FXR1: variants seen among roughly 807,000 people sequenced by gnomAD.
FXR1 encodes RNA-binding protein FXR1.
A neutral mutation model predicts 84.0 loss-of-function variants in FXR1; 15 were observed. The ratio of observed to expected loss-of-function variants is 0.18; its 90% confidence interval spans 0.12 to 0.27. FXR1 has a LOEUF of 0.27. Among genes scored for constraint, FXR1 ranks in the 10% least tolerant of loss-of-function variants. The pLI, the probability that FXR1 is intolerant of heterozygous loss-of-function variation, is 1.00. For synonymous variants in FXR1, 245 were observed against 250.7 expected (o/e 0.98, Z 0.21); for missense variants, 480 against 774.4 (o/e 0.62, Z 4.51).
intron 9 of FXR1, among the ~76,000 whole-genome samples, chr3:180,956,515 G>A (rs1722753857): frequency 6.6e-6 from 1 of 152,158 alleles, no homozygotes; most frequent in African/African-American, 2.4e-5. Flanking sequence ...AGGTTCTGGG[G>A]GAGGAATATG....
chr3:180,971,217 G>C lies in FXR1; in HGVS notation c.1603+859G>C, dbSNP rs1016694229. ...AAGCATGAAAAAAATGTCTATGTCT[G>C]CTTTCTAAATATATTATACTTACAT... On this transcript the variant is annotated intron_variant, in intron 15 of 16. Transcript: ENST00000357559. 7 of 504,524 alleles carry C rather than the reference G, an allele frequency of 1.4e-5. No homozygotes were observed. In the Admixed American group the frequency reaches 2.0e-4, roughly 14 times the overall value. 31.3% of individuals were successfully genotyped at this position (504,524 alleles called of 1,614,324 possible).
At chr3:180,922,858 C>T (rs1217041018) in intron 1 of FXR1, among the ~76,000 whole-genome samples, 3 of 152,156 alleles carry the variant, frequency 2.0e-5, no homozygotes, top group Non-Finnish European at 4.4e-5. Context: ...AAGTGATCTT[C>T]CTGCCTCGGC....
At chr3:180,913,453 G>T (rs936133163) in intron 1 of FXR1, among the ~76,000 whole-genome samples, 22 of 152,194 alleles carry the variant, frequency 1.4e-4, no homozygotes, top group African/African-American at 4.8e-4. Flanking sequence ...GGATCAGGGA[G>T]ATAGGTGGAG....
At chr3:180,926,476 CTGTATATATATATATATA>C (rs1289126736) in intron 1 of FXR1, among the ~76,000 whole-genome samples, 2 of 56,488 alleles carry the variant, frequency 3.5e-5, no homozygotes, top group Admixed American at 2.2e-4. Flanking sequence ...GGGGATTGTA[CTGTATATATATATATATA>C]TATATATATA....
Position 180,955,314 on chromosome 3 carries a change from A to G in FXR1, c.880+1474A>G, listed in dbSNP as rs574804224. On this transcript the variant is annotated intron_variant, in intron 9 of 16. Coordinates refer to ENST00000357559, the MANE Select transcript of FXR1 (RefSeq NM_005087.4). ...GCGCCCGGATGTAAAAAGCCTTTCA[A>G]TTCTCCTCAAACATTTGGATAGGTA... Among the ~76,000 whole-genome samples, 597 of 152,108 alleles carry G rather than the reference A, an allele frequency of 3.9e-3. 9 individuals carry two copies. The highest frequency in any genetic ancestry group is 3.0e-3 in the Non-Finnish European group (201 of 67,986).
In FXR1 at chr3:180,976,139, A is replaced by C. The variant is rs1205170172; in HGVS notation, c.1713A>C (p.Glu571Asp). Residue 571 changes from glutamate (E) to aspartate (D), a missense_variant, in exon 17 of 17, where the codon GAA becomes GAC. By Grantham distance (45) the Glu-to-Asp change is conservative. This residue lies in a region of FXR1 where 94 missense variants were observed against 81.8 expected (regional missense o/e 1.15). Coordinates refer to ENST00000357559, the MANE Select transcript of FXR1 (RefSeq NM_005087.4). ...NKKEMAKDVI[E>D]EHGPSEKAIN... ...TTTGGCAGGCAAAAGATGTGATTGA[A>C]GAGCATGGTCCTTCAGAAAAGGCAA... The C allele has an allele frequency of 1.9e-6, 3 of 1,609,336 alleles. No homozygotes were observed. The highest frequency in any genetic ancestry group is 1.7e-6 in the Non-Finnish European group (2 of 1,178,424).
In FXR1 at chr3:180,980,496, C is replaced by T. The variant is rs1260644286; in HGVS notation, c.*4204C>T. 1 of 151,768 alleles carries T rather than the reference C, an allele frequency of 6.6e-6. No individual in the cohort carries two copies. Among genetic ancestry groups the T allele is most frequent in the African/African-American group, 2.4e-5 (1 of 41,314 alleles). 9.4% of individuals were successfully genotyped at this position (151,768 alleles called of 1,614,324 possible). ...AGACCATTTTCATTAAAAATATTTT[C>T]CAATAGTTTTTCTAGATAAACAATT... On this transcript the variant is annotated 3_prime_UTR_variant, in exon 17 of 17. Coordinates refer to ENST00000357559, the MANE Select transcript of FXR1 (RefSeq NM_005087.4).
At chr3:180,974,836 TAAAA>T (rs956782721) in intron 15 of FXR1, among the ~76,000 whole-genome samples, 9 of 151,180 alleles carry the variant, frequency 6.0e-5, no homozygotes, top group African/African-American at 2.2e-4. Context: ...AATTGTGCTT[TAAAA>T]AAAAACACAC....
chr3:180,958,051 T>A (rs1419085503), intron 10 of FXR1, 123 bp downstream of exon 10: 5 of 454,654 alleles, frequency 1.1e-5, no homozygotes, highest in Non-Finnish European at 2.0e-5. Flanking sequence ...AAATTATGTT[T>A]TTATAATATT....
intron 3 of FXR1, among the ~76,000 whole-genome samples, chr3:180,945,294 ATCTT>A (rs1417179209): frequency 2.6e-5 from 4 of 152,216 alleles, no homozygotes; most frequent in South Asian, 2.1e-4. Flanking sequence ...GCATTTCATT[ATCTT>A]TCTTTTTCGA....
In FXR1 at chr3:180,982,361, T is replaced by G; in HGVS notation, c.*6069T>G. The stretch of plus-strand genomic sequence containing the variant: ...ACATGATCTAGAGCCCTCACATGGA[T>G]AACATTTAAATGTTCAGTTTGCCTA... On this transcript the variant is annotated 3_prime_UTR_variant, in exon 17 of 17. Coordinates refer to ENST00000357559, the MANE Select transcript of FXR1 (RefSeq NM_005087.4). The G allele has an allele frequency of 6.6e-6, 1 of 152,058 alleles. No homozygotes were observed. Among genetic ancestry groups the G allele is most frequent in the East Asian group, 1.9e-4 (1 of 5,188 alleles). The allele number at this position is 152,058 out of a possible 1,614,324, so 9.4% of individuals were successfully genotyped here.
chr3:180,939,558 C>T (rs2108452072), intron 3 of FXR1, among the ~76,000 whole-genome samples: 1 of 152,260 alleles, frequency 6.6e-6, no homozygotes, highest in Non-Finnish European at 1.5e-5. Context: ...GAGCATGCCA[C>T]ATTTCCAGCC....
At chr3:180,961,655 T>C (rs1296136862) in intron 11 of FXR1, 101 bp downstream of exon 11, 4 of 579,526 alleles carry the variant, frequency 6.9e-6, no homozygotes, top group Non-Finnish European at 1.2e-5. Flanking sequence ...CATTAAACAT[T>C]TTATATTTGA....
chr3:180,927,686 T>C (rs746677720), intron 1 of FXR1: 8 of 522,766 alleles, frequency 1.5e-5, no homozygotes, highest in Non-Finnish European at 2.7e-5. Context: ...TGAGTAGATC[T>C]TCATAGTAAG....
intron 1 of FXR1, among the ~76,000 whole-genome samples, chr3:180,921,007 C>G (rs1410420855): frequency 6.6e-6 from 1 of 152,106 alleles, no homozygotes; most frequent in Non-Finnish European, 1.5e-5. Context: ...AAACTCAGAA[C>G]AGTTACATGC....
At chr3:180,953,551 G>A (rs917508181) in intron 8 of FXR1, among the ~76,000 whole-genome samples, 8 of 152,104 alleles carry the variant, frequency 5.3e-5, no homozygotes, top group Non-Finnish European at 7.4e-5. Context: ...GGTTTTAATA[G>A]TACTGACTGA....
intron 1 of FXR1, chr3:180,915,585 T>G: frequency 1.1e-6 from 1 of 926,834 alleles, no homozygotes; most frequent in Non-Finnish European, 1.7e-6. Context: ...GCTGTTAACA[T>G]TTTAGTGTAT....
chr3:180,982,617 G>T lies in FXR1; in HGVS notation c.*6325G>T, dbSNP rs559233303. On this transcript the variant is annotated 3_prime_UTR_variant, in exon 17 of 17. Transcript: ENST00000357559. ...CCCTTTTTAGAGTTAATGCTTCATTGCCTGTCGGCATATTATCACTATCTG... is the reference window on the plus strand; with the variant it reads ...CCCTTTTTAGAGTTAATGCTTCATTTCCTGTCGGCATATTATCACTATCTG... 2 of 152,226 alleles carry T rather than the reference G, an allele frequency of 1.3e-5. No individual in the cohort carries two copies. Among genetic ancestry groups the T allele is most frequent in the African/African-American group, 2.4e-5 (1 of 41,548 alleles). The allele number at this position is 152,226 out of a possible 1,614,324, so 9.4% of individuals were successfully genotyped here. A position where few individuals can be genotyped will look rare whatever the true frequency, so the allele number is the denominator to read the frequency against.
chr3:180,956,574 G>T (rs1284854692), intron 9 of FXR1, among the ~76,000 whole-genome samples: 1 of 152,158 alleles, frequency 6.6e-6, no homozygotes, highest in Non-Finnish European at 1.5e-5. Context: ...CTTACTTTTA[G>T]CAGGGTCAAG....
Sources: allele counts gnomAD v4.1 joint callset (sites outside exome capture counted in the v4.1 genomes callset), GRCh38; gene constraint gnomAD v4.1.1; regional missense constraint gnomAD v4.1.1; transcripts MANE v1.5; gene names NCBI Gene and HGNC (gene_info 2026-07-23, HGNC 2026-07-21).